COL24A1: variants seen among roughly 807,000 people sequenced by gnomAD.
The protein encoded by COL24A1 is collagen alpha-1(XXIV) chain.
In COL24A1, 224 loss-of-function variants were observed where a neutral mutation model predicts 253.9. The observed-to-expected ratio is 0.88, with a 90% CI of 0.79 to 0.99. The LOEUF (loss-of-function observed/expected upper bound fraction) is 0.99. Ranked by LOEUF, COL24A1 falls within the 50% of genes least tolerant of loss-of-function variation. The pLI is 0.00. For missense variants in COL24A1, 2,131 were observed against 2,068.5 expected, an observed-to-expected ratio of 1.03 and a Z score of -0.59; for synonymous variants, 685 against 673.7, an observed-to-expected ratio of 1.02 and a Z score of -0.26.
At chr1:86,124,696 A>G in intron 3 of COL24A1, 149 bp downstream of exon 3, 1 of 543,592 alleles carries the variant, frequency 1.8e-6, no homozygotes, top group Non-Finnish European at 2.9e-6. Context: ...GCAACCATAA[A>G]TTCATTTACT....
chr1:85,838,776 T>G, intron 42 of COL24A1, 138 bp from the exon 43 acceptor site: 3 of 632,828 alleles, frequency 4.7e-6, no homozygotes, highest in Non-Finnish European at 7.9e-6. Context: ...TTCCATTAAA[T>G]AATTTCAAAA....
chr1:86,114,036 A>G (rs755383628), intron 4 of COL24A1, among the ~76,000 whole-genome samples: 2 of 152,102 alleles, frequency 1.3e-5, no homozygotes, highest in Non-Finnish European at 2.9e-5. Flanking sequence ...AGTACAAACA[A>G]CAGTGAGCCA....
chr1:85,736,618 A>G (rs1156452052), intron 58 of COL24A1: 1 of 396,186 alleles, frequency 2.5e-6, no homozygotes, highest in Non-Finnish European at 5.1e-6. Flanking sequence ...TTAGGAGGAG[A>G]GGGCGGTTCA....
At chr1:85,892,558 G>A (rs72952586) in intron 31 of COL24A1, among the ~76,000 whole-genome samples, 1,807 of 152,010 alleles carry the variant, frequency 0.012, 29 homozygotes, top group African/African-American at 0.04. Context: ...GCAAATATGT[G>A]GGTAAATGAT....
intron 2 of COL24A1, among the ~76,000 whole-genome samples, chr1:86,132,083 T>G (rs1417877968): frequency 6.6e-6 from 1 of 152,232 alleles, no homozygotes; most frequent in African/African-American, 2.4e-5. Flanking sequence ...GGTGTTTCAC[T>G]GTGATTTTGA....
At position 86,125,908 on chromosome 1, in the gene COL24A1, A is replaced by G. The variant is rs769646492; in HGVS notation, c.428T>C (p.Val143Ala). 2 of 1,613,140 alleles carry G rather than the reference A, an allele frequency of 1.2e-6. No individual in the cohort carries two copies. The highest frequency in any genetic ancestry group is 1.3e-5 in the African/African-American group (1 of 74,844). ...AGGCTGCTTTCCTCTAATGTGTACT[A>G]CTAATTTTTTAGGTAGTAATTGTAC... ...LGVQLLPKKL[V>A]VHIRGKQPAV... Residue 143 changes from valine to alanine, a missense_variant, in exon 3 of 60, where the codon GTA (valine) becomes GCA (alanine). Val to Ala is a moderately conservative substitution (Grantham distance 64). Transcript: ENST00000370571.
At chr1:86,140,072 CCTT>C (rs962876037) in intron 2 of COL24A1, among the ~76,000 whole-genome samples, 6 of 152,086 alleles carry the variant, frequency 3.9e-5, no homozygotes, top group African/African-American at 1.4e-4. Flanking sequence ...GGAGTATTCC[CCTT>C]CTTCTAATCA....
intron 46 of COL24A1, among the ~76,000 whole-genome samples, chr1:85,817,175 T>C (rs1673124329): frequency 6.6e-6 from 1 of 152,204 alleles, no homozygotes; most frequent in South Asian, 2.1e-4. Flanking sequence ...GTGTTTCTTA[T>C]TGTGTCAACC....
intron 15 of COL24A1, 33 bp downstream of exon 15, chr1:86,022,921 A>G: frequency 6.2e-7 from 1 of 1,612,710 alleles, no homozygotes; most frequent in Admixed American, 1.7e-5. Flanking sequence ...GACAGATTAA[A>G]GGGAAATATC....
chr1:86,155,573 G>A (rs12070992), intron 1 of COL24A1: 17,218 of 152,416 alleles, frequency 0.11, 1,040 homozygotes, highest in East Asian at 0.25. Flanking sequence ...CAGGTACAGC[G>A]CCCAAAGGGG....
chr1:86,054,176 G>A (rs1290037322), intron 10 of COL24A1, among the ~76,000 whole-genome samples: 1 of 152,018 alleles, frequency 6.6e-6, no homozygotes. Flanking sequence ...TAGTATGTAA[G>A]ACCTCAAACT....
intron 32 of COL24A1, among the ~76,000 whole-genome samples, chr1:85,886,172 C>T (rs993712736): frequency 2.6e-5 from 4 of 151,876 alleles, no homozygotes; most frequent in Admixed American, 1.3e-4. Flanking sequence ...CTCAGCCTCT[C>T]GAGTAGCTGG....
intron 5 of COL24A1, among the ~76,000 whole-genome samples, chr1:86,093,244 A>T (rs776567271): frequency 6.6e-6 from 1 of 152,080 alleles, no homozygotes; most frequent in South Asian, 2.1e-4. Context: ...TTCATTTTAC[A>T]AATTAGAAAT....
intron 53 of COL24A1, among the ~76,000 whole-genome samples, chr1:85,769,383 C>T (rs1457482201): frequency 1.3e-5 from 2 of 151,834 alleles, no homozygotes; most frequent in Non-Finnish European, 1.5e-5. Context: ...GGGGGCACTG[C>T]TATTCACACA....
intron 47 of COL24A1, among the ~76,000 whole-genome samples, chr1:85,807,654 C>A (rs1388271705): frequency 6.6e-6 from 1 of 152,126 alleles, no homozygotes; most frequent in Non-Finnish European, 1.5e-5. Context: ...GATTCATGTA[C>A]TCTCACTCAG....
chr1:85,944,997 A>ATTTTTT (rs1689123313), intron 24 of COL24A1, among the ~76,000 whole-genome samples: 1 of 41,378 alleles, frequency 2.4e-5, no homozygotes, highest in Non-Finnish European at 4.8e-5. Context: ...CCAGTCTATC[A>ATTTTTT]TTGTGTTTTT....
intron 53 of COL24A1, among the ~76,000 whole-genome samples, chr1:85,774,184 G>T (rs1042310431): frequency 6.6e-6 from 1 of 152,104 alleles, no homozygotes; most frequent in African/African-American, 2.4e-5. Flanking sequence ...ATTAATTTGC[G>T]TATGTTGAAC....
intron 14 of COL24A1, chr1:86,029,979 A>G (rs1250130839): frequency 6.6e-6 from 1 of 152,104 alleles, no homozygotes; most frequent in Non-Finnish European, 1.5e-5. Flanking sequence ...TTCCTATCCA[A>G]GGTAAGTTTC....
At position 85,910,026 on chromosome 1, in the gene COL24A1, A is replaced by T. The variant is rs374379652; in HGVS notation, c.2617-23T>A. 7 of 1,586,716 alleles carry T rather than the reference A, an allele frequency of 4.4e-6. No homozygotes were observed. In the African/African-American group the frequency reaches 9.4e-5, roughly 21 times the overall value. On this transcript the variant is annotated intron_variant, in intron 25 of 59. Coordinates refer to ENST00000370571, the MANE Select transcript of COL24A1 (RefSeq NM_152890.7). ...TCCCTTTTAAGAGAACAAAGAAAAA[A>T]GAGTAACATAGAGGCATATTAATTA...
Sources: allele counts gnomAD v4.1 joint callset (sites outside exome capture counted in the v4.1 genomes callset), GRCh38; gene constraint gnomAD v4.1.1; transcripts MANE v1.5; gene names NCBI Gene and HGNC (gene_info 2026-07-23, HGNC 2026-07-21).